IL1RAPL2: variants seen among roughly 807,000 people sequenced by gnomAD.
IL1RAPL2 encodes the protein interleukin 1 receptor accessory protein like 2, also known as X-linked interleukin-1 receptor accessory protein-like 2.
A neutral mutation model predicts 44.1 loss-of-function variants in IL1RAPL2; 3 were observed. The observed-to-expected ratio is 0.07, with a 90% CI of 0.03 to 0.18. The LOEUF is 0.18. Among genes scored for constraint, IL1RAPL2 ranks in the 10% least tolerant of loss-of-function variants. IL1RAPL2 has a pLI of 1.00. For missense variants in IL1RAPL2, 391 were observed against 496.4 expected, an observed-to-expected ratio of 0.79 and a Z score of 2.02; for synonymous variants, 181 against 178.8, an observed-to-expected ratio of 1.01 and a Z score of -0.10.
intron 5 of IL1RAPL2, among the ~76,000 whole-genome samples, chrX:105,369,319 A>C (rs2035319721): frequency 9.0e-6 from 1 of 111,261 alleles, no homozygotes; most frequent in Non-Finnish European, 1.9e-5. Flanking sequence ...CTCACCAATC[A>C]GCCCACCCAG....
intron 1 of IL1RAPL2, among the ~76,000 whole-genome samples, chrX:104,571,463 G>C (rs1478685605): frequency 9.0e-6 from 1 of 111,604 alleles, no homozygotes; most frequent in East Asian, 2.8e-4. Flanking sequence ...ATGGGGCCAG[G>C]TGGAGATAAT....
intron 3 of IL1RAPL2, among the ~76,000 whole-genome samples, chrX:105,215,205 G>A (rs1556163851): frequency 5.4e-5 from 6 of 111,509 alleles, no homozygotes; most frequent in Non-Finnish European, 1.1e-4. Context: ...CAAAACAGAT[G>A]GACCACTAGC....
At chrX:105,444,593 T>C (rs906382201) in intron 5 of IL1RAPL2, among the ~76,000 whole-genome samples, 1 of 111,755 alleles carries the variant, frequency 8.9e-6, no homozygotes, top group African/African-American at 3.2e-5. Context: ...ATTATTAATA[T>C]ATAATAATTA....
chrX:104,629,291 G>C (rs1161652811), intron 1 of IL1RAPL2, among the ~76,000 whole-genome samples: 1 of 111,585 alleles, frequency 9.0e-6, no homozygotes, highest in Non-Finnish European at 1.9e-5. Context: ...GTGTTGAGCA[G>C]TTTTTTTCAT....
intron 1 of IL1RAPL2, among the ~76,000 whole-genome samples, chrX:104,625,875 G>C (rs1427295183): frequency 9.0e-6 from 1 of 111,264 alleles, no homozygotes; most frequent in Non-Finnish European, 1.9e-5. Context: ...GAGTCCAAAA[G>C]ACTGGATTTT....
chrX:104,675,193 G>A (rs1239274572), intron 2 of IL1RAPL2, among the ~76,000 whole-genome samples: 1 of 110,247 alleles, frequency 9.1e-6, no homozygotes, highest in African/African-American at 3.3e-5. Flanking sequence ...GTGATGTTAG[G>A]GTGTCAATTT....
intron 6 of IL1RAPL2, among the ~76,000 whole-genome samples, chrX:105,542,958 C>T (rs949551528): frequency 1.8e-5 from 2 of 110,533 alleles, no homozygotes; most frequent in African/African-American, 6.6e-5. Context: ...AAAATGCATG[C>T]AATCTGGCTC....
At chrX:104,942,919 A>T (rs183251492) in intron 2 of IL1RAPL2, among the ~76,000 whole-genome samples, 2 of 111,490 alleles carry the variant, frequency 1.8e-5, no homozygotes, top group African/African-American at 6.5e-5. Context: ...GTTGAATTTT[A>T]TCGAAGGCCT....
intron 6 of IL1RAPL2, among the ~76,000 whole-genome samples, chrX:105,563,752 A>C (rs1298990113): frequency 9.0e-6 from 1 of 111,553 alleles, no homozygotes; most frequent in Non-Finnish European, 1.9e-5. Context: ...CAGGGAGAAG[A>C]AAAAGAAAGA....
intron 4 of IL1RAPL2, among the ~76,000 whole-genome samples, chrX:105,241,979 T>C (rs2034174430): frequency 8.9e-6 from 1 of 112,111 alleles, no homozygotes; most frequent in Non-Finnish European, 1.9e-5. Flanking sequence ...TCTCAACTCT[T>C]AGCAATTTTT....
At chrX:104,769,708 A>G (rs992231378) in intron 2 of IL1RAPL2, among the ~76,000 whole-genome samples, 5 of 111,848 alleles carry the variant, frequency 4.5e-5, no homozygotes, top group African/African-American at 1.6e-4. Flanking sequence ...TTGGAATCAC[A>G]TTTATGTTGT....
chrX:105,757,546 C>T (rs1430748021), intron 10 of IL1RAPL2, among the ~76,000 whole-genome samples: 2 of 111,407 alleles, frequency 1.8e-5, no homozygotes, highest in African/African-American at 6.5e-5. Context: ...TGAAAAATGT[C>T]GTCAGGATGG....
At chrX:105,290,148 T>G (rs996500121) in intron 5 of IL1RAPL2, among the ~76,000 whole-genome samples, 4 of 111,389 alleles carry the variant, frequency 3.6e-5, no homozygotes, top group African/African-American at 1.3e-4. Context: ...GTTCTTGTCC[T>G]TAAGAGTATC....
chrX:105,140,969 A>G (rs927150250), intron 2 of IL1RAPL2, among the ~76,000 whole-genome samples: 3 of 111,535 alleles, frequency 2.7e-5, no homozygotes, highest in Non-Finnish European at 5.6e-5. Context: ...TGACCTGGCC[A>G]GAATAGAAGC....
chrX:105,056,051 A>G (rs1483042497), intron 2 of IL1RAPL2, among the ~76,000 whole-genome samples: 1 of 100,538 alleles, frequency 9.9e-6, no homozygotes, highest in Non-Finnish European at 1.9e-5. Flanking sequence ...CAAATATCTC[A>G]TTACAATTTT....
chrX:105,093,606 C>T (rs1185594427), intron 2 of IL1RAPL2, among the ~76,000 whole-genome samples: 1 of 111,959 alleles, frequency 8.9e-6, no homozygotes, highest in Non-Finnish European at 1.9e-5. Flanking sequence ...TTACATGGAA[C>T]ATCATCCAAA....
intron 6 of IL1RAPL2, among the ~76,000 whole-genome samples, chrX:105,572,831 A>G (rs2037024526): frequency 8.9e-6 from 1 of 112,070 alleles, no homozygotes; most frequent in Non-Finnish European, 1.9e-5. Flanking sequence ...GTGCTGACCT[A>G]TACTACAGTG....
chrX:105,676,568 T>C (rs1438757166), intron 6 of IL1RAPL2, among the ~76,000 whole-genome samples: 1 of 111,731 alleles, frequency 9.0e-6, no homozygotes, highest in Admixed American at 9.6e-5. Context: ...AGGTATTCTC[T>C]TGTACCTGAT....
intron 6 of IL1RAPL2, among the ~76,000 whole-genome samples, chrX:105,568,721 T>C (rs895460270): frequency 5.3e-5 from 6 of 112,437 alleles, no homozygotes; most frequent in African/African-American, 1.9e-4. Context: ...ATACATCTCA[T>C]TGTGGAAAAT....
Sources: gnomAD v4.1 joint callset for allele counts (sites outside exome capture counted in the v4.1 genomes callset) on GRCh38, gnomAD v4.1.1 for gene constraint, MANE v1.5 for transcripts, NCBI Gene and HGNC (gene_info 2026-07-23, HGNC 2026-07-21) for gene names.